ANKS1A: variants seen among roughly 807,000 people sequenced by gnomAD.
ANKS1A encodes the protein ankyrin repeat and sterile alpha motif domain containing 1A.
ANKS1A carries 55 observed loss-of-function variants against 120.3 expected under a neutral mutation model. That is an observed-to-expected ratio of 0.46 (90% CI 0.37 to 0.57). The LOEUF (loss-of-function observed/expected upper bound fraction) is 0.57, where lower values mean the gene tolerates loss of function less well. Ranked by LOEUF, ANKS1A falls within the 20% of genes least tolerant of loss-of-function variation. The pLI is 0.00. For synonymous variants in ANKS1A, 590 were observed against 604.7 expected, an observed-to-expected ratio of 0.98 and a Z score of 0.36; for missense variants, 1,123 against 1,480.3, an observed-to-expected ratio of 0.76 and a Z score of 3.96.
intron 3 of ANKS1A, among the ~76,000 whole-genome samples, chr6:34,973,485 C>T (rs570068596): frequency 3.4e-4 from 52 of 152,210 alleles, no homozygotes; most frequent in African/African-American, 1.2e-3. Flanking sequence ...TGCTCTCACC[C>T]GCTGGTTTTG....
intron 12 of ANKS1A, among the ~76,000 whole-genome samples, chr6:35,055,186 A>C (rs1010170460): frequency 1.3e-5 from 2 of 152,196 alleles, no homozygotes. Context: ...GGAGCCTCAC[A>C]GCCCTGGGTT....
chr6:35,097,637 GAAA>G, the ANKS1A span, among the ~76,000 whole-genome samples: 53 of 89,734 alleles, frequency 5.9e-4, no homozygotes, highest in East Asian at 1.8e-3. Context: ...AAAGCCAAAA[GAAA>G]AAAAAAAAAA....
At chr6:34,973,987 T>TC (rs1771353988) in intron 3 of ANKS1A, among the ~76,000 whole-genome samples, 1 of 70,428 alleles carries the variant, frequency 1.4e-5, no homozygotes, top group Non-Finnish European at 2.7e-5. Flanking sequence ...CCCTTCCCCT[T>TC]CCCTTGTGCT....
intron 1 of ANKS1A, among the ~76,000 whole-genome samples, chr6:34,948,695 C>A (rs1769923140): frequency 2.0e-5 from 3 of 152,158 alleles, no homozygotes. Flanking sequence ...TACCAAAAAC[C>A]ATTCCTCACA....
chr6:35,090,261 C>G lies in ANKS1A; in HGVS notation c.*1652C>G, dbSNP rs762828853. On this transcript the variant is annotated 3_prime_UTR_variant, in exon 24 of 24. Transcript: ENST00000360359. Reference sequence around the variant, plus strand: ...AGGATGCCCATGAGCTACCGCTGTACAGTTCTCGGCCCCGGCTTTCTTCCA... The same window carrying G: ...AGGATGCCCATGAGCTACCGCTGTAGAGTTCTCGGCCCCGGCTTTCTTCCA... The G allele has an allele frequency of 7.8e-7, 1 of 1,289,626 alleles. No individual in the cohort carries two copies. The highest frequency in any genetic ancestry group is 1.5e-5 in the African/African-American group (1 of 65,870). The allele number at this position is 1,289,626 out of a possible 1,614,324, so 79.9% of individuals were successfully genotyped here.
intron 13 of ANKS1A, among the ~76,000 whole-genome samples, chr6:35,069,408 A>G (rs906218509): frequency 6.6e-6 from 1 of 151,916 alleles, no homozygotes; most frequent in African/African-American, 2.4e-5. Context: ...GACTTTAGCA[A>G]AGTAACTTAG....
At chr6:34,988,520 T>C (rs1417051609) in intron 8 of ANKS1A, among the ~76,000 whole-genome samples, 2 of 152,138 alleles carry the variant, frequency 1.3e-5, no homozygotes, top group African/African-American at 4.8e-5. Context: ...GGCATGAACC[T>C]GGGAGGCGGA....
rs537485779 is a variant in ANKS1A at position 35,063,603 on chromosome 6, A to G, written c.2184+3350A>G. On this transcript the variant is annotated intron_variant, in intron 13 of 23. Transcript: ENST00000360359. The stretch of plus-strand genomic sequence containing the variant: ...TTAATTTCTGAAAAAGAAAACATGT[A>G]TGCATAGGAGGTGCAAGGGAGTGAG... Among the ~76,000 whole-genome samples, 3 of 152,360 alleles carry G rather than the reference A, an allele frequency of 2.0e-5. No individual in the cohort carries two copies. The South Asian group carries it at 6.2e-4, about 32-fold the overall frequency.
chr6:35,064,999 G>A (rs1257963335), intron 13 of ANKS1A, among the ~76,000 whole-genome samples: 1 of 152,176 alleles, frequency 6.6e-6, no homozygotes, highest in East Asian at 1.9e-4. Context: ...TAATTCCTCG[G>A]TATCCCAGGA....
chr6:34,993,399 A>G (rs1276265551), intron 9 of ANKS1A, among the ~76,000 whole-genome samples: 1 of 152,222 alleles, frequency 6.6e-6, no homozygotes. Flanking sequence ...TACAGTTGCC[A>G]GGTGTAGGAG....
At chr6:34,921,893 G>A (rs940567519) in intron 1 of ANKS1A, among the ~76,000 whole-genome samples, 3 of 152,062 alleles carry the variant, frequency 2.0e-5, no homozygotes, top group Non-Finnish European at 4.4e-5. Context: ...GACAGGTCTC[G>A]CTATGTTGCC....
At chr6:35,083,752 C>G (rs894685402) in intron 20 of ANKS1A, among the ~76,000 whole-genome samples, 4 of 152,166 alleles carry the variant, frequency 2.6e-5, no homozygotes, top group Non-Finnish European at 5.9e-5. Flanking sequence ...CTCCACTGGC[C>G]GCACACCTGC....
intron 13 of ANKS1A, among the ~76,000 whole-genome samples, chr6:35,066,616 C>A (rs1329216824): frequency 6.6e-6 from 1 of 152,104 alleles, no homozygotes; most frequent in Non-Finnish European, 1.5e-5. Context: ...CTGTCATATC[C>A]ATCCTTGAGA....
At position 35,082,134 on chromosome 6, in the gene ANKS1A, C is replaced by T. The variant is rs1290260024; in HGVS notation, c.2710-557C>T. Among the ~76,000 whole-genome samples, 1 of 152,168 alleles carries T rather than the reference C, an allele frequency of 6.6e-6. No homozygotes were observed. Among genetic ancestry groups the T allele is most frequent in the South Asian group, 2.1e-4 (1 of 4,824 alleles). On this transcript the variant is annotated intron_variant, in intron 17 of 23. Coordinates refer to ENST00000360359, the MANE Select transcript of ANKS1A (RefSeq NM_015245.3). This position sits in a 1 kb window ranked among gnomAD's most constrained non-coding sequence, Gnocchi z 4.1. Reference sequence around the variant, plus strand: ...TTTTCCTTCCTCTCCATTCCTTCCACCAGTGCCCTGGACAGGGACCCATGA... The same window carrying T: ...TTTTCCTTCCTCTCCATTCCTTCCATCAGTGCCCTGGACAGGGACCCATGA...
chr6:34,895,959 T>G (rs1313716789), intron 1 of ANKS1A, among the ~76,000 whole-genome samples: 1 of 151,926 alleles, frequency 6.6e-6, no homozygotes, highest in Non-Finnish European at 1.5e-5. Flanking sequence ...AGGGACGGGA[T>G]TTCACTGTGT....
intron 1 of ANKS1A, among the ~76,000 whole-genome samples, chr6:34,954,259 G>T (rs1230323408): frequency 6.6e-6 from 1 of 152,100 alleles, no homozygotes; most frequent in Non-Finnish European, 1.5e-5. Context: ...CACTTGCCCA[G>T]TATAGCAATA....
rs577896304 is a variant in ANKS1A at position 34,983,424 on chromosome 6, G to A, written c.1011G>A (p.Gln337=). 3 of 1,612,010 alleles carry A rather than the reference G, an allele frequency of 1.9e-6. No homozygotes were observed. The highest frequency in any genetic ancestry group is 2.7e-5 in the African/African-American group (2 of 74,812). Reference sequence around the variant, plus strand: ...TGGACTCCATATCACAGAAGTCTCAGGGTAAGGTAACTCTCCCCTATGAGT... The same window carrying A: ...TGGACTCCATATCACAGAAGTCTCAAGGTAAGGTAACTCTCCCCTATGAGT... ...SSMDSISQKS[Q]GDVEKAVTEL... is the part of the protein sequence containing the mutation. Residue 337 remains glutamine (Q), a splice_region_variant and synonymous_variant, in exon 7 of 24, where the codon CAG becomes CAA. Coordinates refer to ENST00000360359, the MANE Select transcript of ANKS1A (RefSeq NM_015245.3).
At chr6:35,006,243 C>T (rs1034298616) in intron 10 of ANKS1A, among the ~76,000 whole-genome samples, 3 of 151,080 alleles carry the variant, frequency 2.0e-5, no homozygotes, top group Admixed American at 6.6e-5. Context: ...ACCTGTAATC[C>T]CAGCTACTCA....
chr6:35,062,324 T>C (rs1292580778), intron 13 of ANKS1A, among the ~76,000 whole-genome samples: 1 of 152,096 alleles, frequency 6.6e-6, no homozygotes, highest in Non-Finnish European at 1.5e-5. Flanking sequence ...GGTAACCACG[T>C]GTGAATGGCC....
Sources: allele counts gnomAD v4.1 joint callset (sites outside exome capture counted in the v4.1 genomes callset), GRCh38; gene constraint gnomAD v4.1.1; non-coding constraint Gnocchi (gnomAD v3.1); transcripts MANE v1.5; gene names NCBI Gene and HGNC (gene_info 2026-07-23, HGNC 2026-07-21).